RASD2: variants seen among roughly 807,000 people sequenced by gnomAD.
RASD2 encodes RASD family member 2, also known as GTP-binding protein Rhes.
In RASD2, 7 loss-of-function variants were observed where a neutral mutation model predicts 15.8. The ratio of observed to expected loss-of-function variants is 0.44; its 90% CI spans 0.25 to 0.83. The LOEUF (loss-of-function observed/expected upper bound fraction) is 0.83, where lower values mean the gene tolerates loss of function less well. Among genes scored for constraint, RASD2 ranks in the 40% least tolerant of loss-of-function variants. RASD2 has a pLI of 0.20. For synonymous variants in RASD2, 155 were observed against 153.6 expected, an observed-to-expected ratio of 1.01 and a Z score of -0.07; for missense variants, 274 against 382.8, an observed-to-expected ratio of 0.72 and a Z score of 2.37.
intron 2 of RASD2, among the ~76,000 whole-genome samples, chr22:35,549,231 C>T (rs969073862): frequency 9.2e-5 from 14 of 152,224 alleles, no homozygotes; most frequent in African/African-American, 2.7e-4. Flanking sequence ...CACCGGCATT[C>T]GTATTTGTAT....
chr22:35,543,309 G>A (rs1012754562), intron 1 of RASD2, among the ~76,000 whole-genome samples: 20 of 152,144 alleles, frequency 1.3e-4, no homozygotes, highest in African/African-American at 3.9e-4. Flanking sequence ...TACCTGTGCC[G>A]CTAGGGGGTC....
upstream of RASD2, among the ~76,000 whole-genome samples, chr22:35,539,265 A>G (rs1431915008): frequency 6.6e-6 from 1 of 152,212 alleles, no homozygotes; most frequent in Non-Finnish European, 1.5e-5. Flanking sequence ...ATGACGGCCC[A>G]GGGTCAGATA....
rs980270648 is a variant in RASD2, at chr22:35,551,089, G to A, written c.272-414G>A. Reference sequence around the variant, plus strand: ...CAAGTCTGCTGGCAGCTAAGCGGATGAGGCCAGATGCAAACTAGGCATTGA... The same window carrying A: ...CAAGTCTGCTGGCAGCTAAGCGGATAAGGCCAGATGCAAACTAGGCATTGA... On this transcript the variant is annotated intron_variant, in intron 2 of 2. Transcript: ENST00000216127. This position sits in a 1 kb window ranked among gnomAD's most constrained non-coding sequence, Gnocchi z 4.9. 2.0e-5 allele frequency among the ~76,000 whole-genome samples: 3 copies of A among 152,218 alleles called. No homozygotes were observed. Among genetic ancestry groups the A allele is most frequent in the Non-Finnish European group, 4.4e-5 (3 of 68,042 alleles).
chr22:35,539,945 G>A (rs1034054120), upstream of RASD2, among the ~76,000 whole-genome samples: 15 of 152,198 alleles, frequency 9.9e-5, no homozygotes, highest in African/African-American at 3.6e-4. Context: ...CGTCGGCCGT[G>A]GTCTCTGAGA....
At chr22:35,550,393 A>G (rs1934629906) in intron 2 of RASD2, among the ~76,000 whole-genome samples, 1 of 148,610 alleles carries the variant, frequency 6.7e-6, no homozygotes, top group African/African-American at 2.5e-5. Context: ...GTGAGCCAAG[A>G]TCACACCACT....
At chr22:35,539,538 A>G (rs1934293597), upstream of RASD2, among the ~76,000 whole-genome samples, 3 of 152,244 alleles carry the variant, frequency 2.0e-5, no homozygotes, top group African/African-American at 7.2e-5. Context: ...AGTCTCTGTT[A>G]GGTGCTAATG....
intron 2 of RASD2, among the ~76,000 whole-genome samples, chr22:35,548,889 T>C (rs1934586333): frequency 6.6e-6 from 1 of 152,204 alleles, no homozygotes; most frequent in African/African-American, 2.4e-5. Context: ...CTGTGAGGAC[T>C]GCAAGAAGGC....
At chr22:35,546,752 G>A in intron 1 of RASD2, 49 bp from the exon 2 acceptor site, 2 of 1,579,398 alleles carry the variant, frequency 1.3e-6, no homozygotes, top group South Asian at 2.4e-5. Context: ...AGAGGTGGTG[G>A]GGCCAGGTCG....
At chr22:35,540,314 G>C (rs1233740203), upstream of RASD2, among the ~76,000 whole-genome samples, 6 of 151,278 alleles carry the variant, frequency 4.0e-5, no homozygotes, top group Non-Finnish European at 7.4e-5. Flanking sequence ...TCTGGGCAAG[G>C]TGCGCGCGCC....
In RASD2 at chr22:35,551,545, C is replaced by T. The variant is rs1319367013; in HGVS notation, c.314C>T (p.Ser105Phe). The T allele has an allele frequency of 1.2e-6, 2 of 1,613,520 alleles. No homozygotes were observed. The highest frequency in any genetic ancestry group is 2.2e-5 in the East Asian group (1 of 44,848). Reference protein sequence around the residue: ...ILVFSLDNRESFDEVKRLQKQ... With the variant: ...ILVFSLDNREFFDEVKRLQKQ... ...GTGTTCAGCCTGGATAACCGGGAGT[C>T]CTTCGATGAGGTCAAGCGCCTTCAG... The change falls in exon 3 of 3, where the codon TCC becomes TTC. Residue 105 changes from serine to phenylalanine, a missense_variant. Transcript: ENST00000216127. This position sits in a 1 kb window ranked among gnomAD's most constrained non-coding sequence, Gnocchi z 4.9.
At chr22:35,546,775 T>C (rs926354534) in intron 1 of RASD2, 26 bp from the exon 2 acceptor site, 1 of 1,605,154 alleles carries the variant, frequency 6.2e-7, no homozygotes, top group Non-Finnish European at 8.5e-7. Flanking sequence ...GGGGCCCTGA[T>C]GCCTGCTTCT....
chr22:35,539,260 G>A (rs578020580), upstream of RASD2, among the ~76,000 whole-genome samples: 34 of 152,252 alleles, frequency 2.2e-4, no homozygotes, highest in Admixed American at 6.5e-4. Context: ...TTTTCATGAC[G>A]GCCCAGGGTC....
In RASD2 at chr22:35,551,702, GC is replaced by G; in HGVS notation, c.472del (p.Leu158CysfsTer39). ...GCCAGGTGCCCACCACCGAGGCCGAGCTGCTGGTGTCGGGCGACGAGAACTG... is the reference window on the plus strand; with the variant it reads ...GCCAGGTGCCCACCACCGAGGCCGAGTGCTGGTGTCGGGCGACGAGAACTG... ...CRQVPTTEAE[L>X]LVSGDENCAY... On this transcript the variant is annotated frameshift_variant, in exon 3 of 3. Transcript: ENST00000216127. LOFTEE classifies it high-confidence loss of function. This position sits in a 1 kb window ranked among gnomAD's most constrained non-coding sequence, Gnocchi z 4.9. The G allele has an allele frequency of 6.2e-7, 1 of 1,613,856 alleles. No homozygotes were observed. The highest frequency in any genetic ancestry group is 8.5e-7 in the Non-Finnish European group (1 of 1,179,798).
chr22:35,539,070 C>T (rs1934285698), upstream of RASD2, among the ~76,000 whole-genome samples: 1 of 152,236 alleles, frequency 6.6e-6, no homozygotes, highest in African/African-American at 2.4e-5. Context: ...GCACCCTCCA[C>T]CCCCACCTGC....
At chr22:35,537,896 G>A (rs916197639), upstream of RASD2, among the ~76,000 whole-genome samples, 1 of 152,004 alleles carries the variant, frequency 6.6e-6, no homozygotes, top group Non-Finnish European at 1.5e-5. Flanking sequence ...ATCACGTCCT[G>A]GTTGGAGGCC....
intron 1 of RASD2, among the ~76,000 whole-genome samples, chr22:35,545,580 G>A (rs1934478629): frequency 6.6e-6 from 1 of 152,184 alleles, no homozygotes; most frequent in African/African-American, 2.4e-5. Flanking sequence ...ATTTCAGCAG[G>A]CCTGTGCCCA....
chr22:35,533,929 TGGTGATGATGATGGTGATGATGAC>T, the RASD2 span, among the ~76,000 whole-genome samples: 1 of 145,906 alleles, frequency 6.9e-6, no homozygotes, highest in South Asian at 2.1e-4. Flanking sequence ...ATGGTGATGA[TGGTGATGATGATGGTGATGATGAC>T]GGTGATGATT....
upstream of RASD2, chr22:35,540,729 G>C (rs1934323040): frequency 6.6e-6 from 1 of 152,450 alleles, no homozygotes. Flanking sequence ...TCCTCATCTG[G>C]GGACAGGAGG....
chr22:35,542,894 C>T (rs1002713691), intron 1 of RASD2, among the ~76,000 whole-genome samples: 6 of 152,230 alleles, frequency 3.9e-5, no homozygotes, highest in East Asian at 1.9e-4. Flanking sequence ...CTTTCCGCTC[C>T]GCTGCCTGCA....
Sources: allele counts gnomAD v4.1 joint callset (sites outside exome capture counted in the v4.1 genomes callset), GRCh38; gene constraint gnomAD v4.1.1; non-coding constraint Gnocchi (gnomAD v3.1); transcripts MANE v1.5; gene names NCBI Gene and HGNC (gene_info 2026-07-23, HGNC 2026-07-21).